The following DNAH8 variants were observed in gnomAD, a reference collection of about 807,000 sequenced individuals.
The protein encoded by DNAH8 is dynein axonemal heavy chain 8, also known as axonemal beta dynein heavy chain 8.
DNAH8 carries 382 observed loss-of-function variants against 562.1 expected under a neutral mutation model. The ratio of observed to expected loss-of-function variants is 0.68; its 90% CI spans 0.63 to 0.74. The LOEUF (loss-of-function observed/expected upper bound fraction) is 0.74, where lower values mean the gene tolerates loss of function less well. Ranked by LOEUF, DNAH8 falls within the 30% of genes least tolerant of loss-of-function variation. DNAH8 has a pLI of 0.00. For missense variants in DNAH8, 5,203 were observed against 5,620.4 expected, an observed-to-expected ratio of 0.93 and a Z score of 2.37; for synonymous variants, 1,881 against 1,919.4, an observed-to-expected ratio of 0.98 and a Z score of 0.52.
intron 3 of DNAH8, among the ~76,000 whole-genome samples, chr6:38,725,304 T>TATGATA (rs1554193008): frequency 7.4e-6 from 1 of 135,386 alleles, no homozygotes; most frequent in East Asian, 2.2e-4. Flanking sequence ...CTCCAACTCA[T>TATGATA]ATAATAATAA....
chr6:38,945,402 A>G (rs995303218), intron 79 of DNAH8, 65 bp from the exon 80 acceptor site: 141 of 1,534,422 alleles, frequency 9.2e-5, no homozygotes, highest in Non-Finnish European at 1.2e-4. Flanking sequence ...TATTATTTGA[A>G]AAGTACATTT....
chr6:38,999,342 C>T (rs145631106), intron 88 of DNAH8, among the ~76,000 whole-genome samples: 5 of 151,384 alleles, frequency 3.3e-5, no homozygotes, highest in East Asian at 1.9e-4. Flanking sequence ...CACACTTCCA[C>T]GGAGGGCTCA....
intron 32 of DNAH8, among the ~76,000 whole-genome samples, chr6:38,835,423 T>G (rs1774199142): frequency 6.6e-6 from 1 of 151,946 alleles, no homozygotes; most frequent in South Asian, 2.1e-4. Context: ...GATAGAGAGA[T>G]AGCAAGCTAG....
At chr6:38,820,792 AT>A (rs1467612088) in intron 26 of DNAH8, among the ~76,000 whole-genome samples, 2 of 152,212 alleles carry the variant, frequency 1.3e-5, no homozygotes, top group Non-Finnish European at 2.9e-5. Flanking sequence ...TAGAAAAAAT[AT>A]TTGACAAAAT....
chr6:38,739,111 G>A lies in DNAH8; in HGVS notation c.1116+1139G>A, dbSNP rs569780734. ...ATATCATTGCCTGTTCATATCATTT[G>A]CCTATATCATCCCTTTATTTTTTTG... On this transcript the variant is annotated intron_variant, in intron 7 of 92. Transcript: ENST00000327475. 4.6e-5 allele frequency among the ~76,000 whole-genome samples: 7 copies of A among 151,984 alleles called. No individual in the cohort carries two copies. In the South Asian group the frequency reaches 1.5e-3, roughly 32 times the overall value.
intron 21 of DNAH8, among the ~76,000 whole-genome samples, chr6:38,792,429 G>T (rs946849890): frequency 6.6e-6 from 1 of 152,058 alleles, no homozygotes; most frequent in Non-Finnish European, 1.5e-5. Context: ...GTTTCAGCCT[G>T]TTCTTTCCCT....
At chr6:38,773,403 T>C (rs892966824) in intron 12 of DNAH8, among the ~76,000 whole-genome samples, 3 of 152,094 alleles carry the variant, frequency 2.0e-5, no homozygotes, top group Admixed American at 6.5e-5. Context: ...ATCTGTGAAA[T>C]AGCAGCCCAG....
In DNAH8 at chr6:38,823,508, T is replaced by C. The variant is rs1485471490; in HGVS notation, c.3721-54T>C. 22 of 1,368,824 alleles carry C rather than the reference T, an allele frequency of 1.6e-5. No homozygotes were observed. The Middle Eastern group carries it at 5.4e-4, about 34-fold the overall frequency. 84.8% of individuals were successfully genotyped at this position (1,368,824 alleles called of 1,614,324 possible). On this transcript the variant is annotated intron_variant, in intron 27 of 92. Transcript: ENST00000327475. ...CAAATGCAATTTTCTAATGTAACTA[T>C]GGTAAGATTTATACTGTTAAAAAAT...
intron 44 of DNAH8, 104 bp from the exon 45 acceptor site, chr6:38,863,769 T>A: frequency 1.1e-6 from 1 of 881,138 alleles, no homozygotes; most frequent in Admixed American, 2.9e-5. Context: ...CTTTACATAA[T>A]CCCGTTTCAA....
intron 87 of DNAH8, among the ~76,000 whole-genome samples, chr6:38,985,070 G>T (rs892255537): frequency 2.0e-5 from 3 of 152,178 alleles, no homozygotes; most frequent in African/African-American, 7.2e-5. Context: ...ATCATAATTT[G>T]AGTTTTCTCA....
At chr6:38,973,579 T>TA (rs1330460238) in intron 83 of DNAH8, 82 bp from the exon 84 acceptor site, 8 of 1,177,976 alleles carry the variant, frequency 6.8e-6, no homozygotes, top group Non-Finnish European at 9.4e-6. Flanking sequence ...ACATGGTTTT[T>TA]AAAAAAAGTG....
At position 38,790,013 on chromosome 6, in the gene DNAH8, C is replaced by A. The variant is rs925085292; in HGVS notation, c.2664+130C>A. 14 of 619,518 alleles carry A rather than the reference C, an allele frequency of 2.3e-5. No homozygotes were observed. The African/African-American group carries it at 2.4e-4, about 10-fold the overall frequency. The allele number at this position is 619,518 out of a possible 1,614,324, so 38.4% of individuals were successfully genotyped here. On this transcript the variant is annotated intron_variant, in intron 19 of 92. Coordinates refer to ENST00000327475, the MANE Select transcript of DNAH8 (RefSeq NM_001206927.2). Reference sequence around the variant, plus strand: ...ATCTTTCTAGTTCAATTTTATAGCTCTGTTTTTTTTTTTTCTGCAGAATTT... The same window carrying A: ...ATCTTTCTAGTTCAATTTTATAGCTATGTTTTTTTTTTTTCTGCAGAATTT...
At chr6:38,862,100 C>T (rs964443142) in intron 43 of DNAH8, among the ~76,000 whole-genome samples, 180 bp from the exon 44 acceptor site, 1 of 152,114 alleles carries the variant, frequency 6.6e-6, no homozygotes, top group African/African-American at 2.4e-5. Flanking sequence ...AATCTTTGGG[C>T]TCACTGTAGT....
intron 30 of DNAH8, 108 bp downstream of exon 30, chr6:38,828,396 A>G: frequency 1.7e-6 from 1 of 592,078 alleles, no homozygotes; most frequent in East Asian, 3.1e-5. Flanking sequence ...GCCACATAAC[A>G]ATGTTTCAGT....
At chr6:38,803,011 T>C (rs1017158123) in intron 21 of DNAH8, among the ~76,000 whole-genome samples, 168 bp from the exon 22 acceptor site, 25 of 152,254 alleles carry the variant, frequency 1.6e-4, no homozygotes, top group African/African-American at 4.6e-4. Context: ...GCTATGCTTT[T>C]AGCCATTGAC....
chr6:38,915,386 T>C lies in DNAH8; in HGVS notation c.10140+9T>C. ...CAGAAGCAGCCCTGAATGTGAGCAG[T>C]GCATTGTTACCCCTTCCAACACAAG... On this transcript the variant is annotated intron_variant, in intron 68 of 92. Transcript: ENST00000327475. 1 of 1,558,416 alleles carries C rather than the reference T, an allele frequency of 6.4e-7. No homozygotes were observed. Among genetic ancestry groups the C allele is most frequent in the Non-Finnish European group, 8.6e-7 (1 of 1,159,032 alleles).
Position 38,783,498 on chromosome 6 carries a change from C to A in DNAH8, c.2395+359C>A, listed in dbSNP as rs148959534. Among the ~76,000 whole-genome samples the A allele has an allele frequency of 1.3e-4, 20 of 152,264 alleles. No homozygotes were observed. The East Asian group carries it at 3.9e-3, about 29-fold the overall frequency. On this transcript the variant is annotated intron_variant, in intron 17 of 92. Transcript: ENST00000327475. ...GTCCCATTCTGGAGAGAAAAAATTG[C>A]ATCCTGCCTTCTTTCCTCTCTCCCT...
chr6:38,947,427 A>G (rs1259993413), intron 80 of DNAH8, among the ~76,000 whole-genome samples: 1 of 152,214 alleles, frequency 6.6e-6, no homozygotes, highest in Non-Finnish European at 1.5e-5. Context: ...AAAAGGAATG[A>G]GAAATGGAGA....
intron 91 of DNAH8, among the ~76,000 whole-genome samples, chr6:39,021,860 T>C (rs1766937763): frequency 6.6e-6 from 1 of 152,256 alleles, no homozygotes; most frequent in South Asian, 2.1e-4. Flanking sequence ...CCTTATAAAT[T>C]TGAGAAGAGC....
Sources: allele counts gnomAD v4.1 joint callset (sites outside exome capture counted in the v4.1 genomes callset), GRCh38; gene constraint gnomAD v4.1.1; transcripts MANE v1.5; gene names NCBI Gene and HGNC (gene_info 2026-07-23, HGNC 2026-07-21).